The following STK11 variants were observed in gnomAD, a reference collection of about 807,000 sequenced individuals.
STK11 encodes the protein serine/threonine-protein kinase STK11.
STK11 carries 8 observed loss-of-function variants against 47.3 expected under a neutral mutation model. The observed-to-expected ratio is 0.17, with a 90% confidence interval of 0.10 to 0.31. STK11 has a LOEUF of 0.31. Ranked by LOEUF, STK11 falls within the 10% of genes least tolerant of loss-of-function variation. The probability of loss-of-function intolerance (pLI) is 1.00; values close to 1 mark genes in which losing one functional copy is unlikely to be tolerated. For synonymous variants in STK11, 330 were observed against 255.8 expected (o/e 1.29, Z -2.77); for missense variants, 475 against 605.0 (o/e 0.79, Z 2.25).
In STK11 at chr19:1,223,771, G is replaced by A. The variant is rs899211117; in HGVS notation, c.1108+599G>A. On this transcript the variant is annotated intron_variant, in intron 8 of 9. Coordinates refer to ENST00000326873, the MANE Select transcript of STK11 (RefSeq NM_000455.5). The stretch of plus-strand genomic sequence containing the variant: ...GCCTGAGGAGGAGCTCAGGGCCTTA[G>A]CGTAGGGGCGGCCCACATTGGCAGC... The A allele has an allele frequency of 7.7e-6, 8 of 1,038,306 alleles. No individual in the cohort carries two copies. In the African/African-American group the frequency reaches 1.3e-4, roughly 17 times the overall value. 64.3% of individuals were successfully genotyped at this position (1,038,306 alleles called of 1,614,324 possible).
At chr19:1,220,844 C>A (rs2080778475) in intron 5 of STK11, 127 bp downstream of exon 5, 2 of 1,375,674 alleles carry the variant, frequency 1.5e-6, no homozygotes, top group South Asian at 2.9e-5. Context: ...GCCACAGCCG[C>A]TAGGGGGTGC....
At chr19:1,219,011 G>A (rs999018885) in intron 2 of STK11, among the ~76,000 whole-genome samples, 1 of 152,194 alleles carries the variant, frequency 6.6e-6, no homozygotes, top group Non-Finnish European at 1.5e-5. Flanking sequence ...GTCCTGCATG[G>A]GCCCGAGCCT....
chr19:1,219,738 G>C (rs1344506594), intron 3 of STK11, among the ~76,000 whole-genome samples: 1 of 152,098 alleles, frequency 6.6e-6, no homozygotes, highest in Non-Finnish European at 1.5e-5. Flanking sequence ...GTAGAGACGG[G>C]GTTTCACCGT....
In STK11 at chr19:1,226,536, G is replaced by C. The variant is rs774759899; in HGVS notation, c.1191G>C (p.Ala397=). ...PKAVCMNGTE[A]AQLSTKSRAE... is the part of the protein sequence containing the mutation. Reference sequence around the variant, plus strand: ...CCGTGTGTATGAACGGCACAGAGGCGGCGCAGCTGAGCACCAAATCCAGGG... The same window carrying C: ...CCGTGTGTATGAACGGCACAGAGGCCGCGCAGCTGAGCACCAAATCCAGGG... Residue 397 remains alanine (A), a synonymous_variant, in exon 9 of 10, where the codon GCG becomes GCC. Transcript: ENST00000326873. The C allele has an allele frequency of 3.7e-6, 6 of 1,606,144 alleles. No homozygotes were observed. Among genetic ancestry groups the C allele is most frequent in the Middle Eastern group, 3.3e-4 (2 of 6,000 alleles).
At chr19:1,208,607 CTTTTTTT>C (rs71174355) in intron 1 of STK11, among the ~76,000 whole-genome samples, 5 of 37,788 alleles carry the variant, frequency 1.3e-4, no homozygotes, top group East Asian at 1.2e-3. Flanking sequence ...CGCGTGCGGC[CTTTTTTT>C]TTTTTTTTTT....
chr19:1,215,629 A>T (rs571208250), intron 1 of STK11, among the ~76,000 whole-genome samples: 1 of 152,204 alleles, frequency 6.6e-6, no homozygotes, highest in South Asian at 2.1e-4. Context: ...GCAGTGAGCA[A>T]TGAGCCCTGG....
intron 2 of STK11, 111 bp from the exon 3 acceptor site, chr19:1,219,213 G>T: frequency 7.7e-7 from 1 of 1,303,032 alleles, no homozygotes; most frequent in South Asian, 1.3e-5. Flanking sequence ...TGGTCCCGAG[G>T]AGGGGCAAGG....
intron 1 of STK11, among the ~76,000 whole-genome samples, chr19:1,215,050 T>C (rs1262858849): frequency 2.6e-5 from 4 of 152,148 alleles, no homozygotes; most frequent in African/African-American, 9.7e-5. Context: ...CGGGGGAGGT[T>C]AGGGGCACAC....
chr19:1,206,536 C>G lies in STK11; in HGVS notation c.-378C>G, dbSNP rs867570810. On this transcript the variant is annotated 5_prime_UTR_variant, in exon 1 of 10. Transcript: ENST00000326873. Reference sequence around the variant, plus strand: ...ATACTTGTCCGTGGGCCTGAGGTCCCCGGAGGATGACCTAGCACTGAAAAG... The same window carrying G: ...ATACTTGTCCGTGGGCCTGAGGTCCGCGGAGGATGACCTAGCACTGAAAAG... The G allele has an allele frequency of 6.3e-6, 2 of 317,130 alleles. No homozygotes were observed. Among genetic ancestry groups the G allele is most frequent in the Non-Finnish European group, 1.2e-5 (2 of 169,330 alleles). The allele number at this position is 317,130 out of a possible 1,614,324, so 19.6% of individuals were successfully genotyped here.
At chr19:1,223,690 G>C in intron 8 of STK11, 1 of 1,045,186 alleles carries the variant, frequency 9.6e-7, no homozygotes. Flanking sequence ...GCTTGCAGAA[G>C]AGCGAGGGCT....
intron 7 of STK11, 107 bp downstream of exon 7, chr19:1,222,113 G>A (rs1357184982): frequency 3.7e-6 from 5 of 1,352,574 alleles, no homozygotes; most frequent in African/African-American, 1.4e-5. Context: ...TGCCAGGCTG[G>A]GCTGGGGCCA....
chr19:1,219,608 C>T (rs374899682), intron 3 of STK11, among the ~76,000 whole-genome samples, 195 bp downstream of exon 3: 3 of 151,938 alleles, frequency 2.0e-5, no homozygotes, highest in South Asian at 2.1e-4. Context: ...TGCAATGGTG[C>T]GATCTCGGCT....
At chr19:1,220,819 C>T in intron 5 of STK11, 102 bp downstream of exon 5, 1 of 1,486,262 alleles carries the variant, frequency 6.7e-7, no homozygotes. Context: ...TGGCCACCGG[C>T]CCAGACCCTC....
At chr19:1,215,252 A>C (rs1194190994) in intron 1 of STK11, among the ~76,000 whole-genome samples, 2 of 152,178 alleles carry the variant, frequency 1.3e-5, no homozygotes, top group East Asian at 3.9e-4. Flanking sequence ...GGCCAGTTCT[A>C]TAAATAACCT....
At chr19:1,221,551 T>C (rs1396909630) in intron 6 of STK11, 1 of 753,726 alleles carries the variant, frequency 1.3e-6, no homozygotes, top group Non-Finnish European at 2.1e-6. Flanking sequence ...CCCTCCGAAC[T>C]CCCACCCCAG....
intron 9 of STK11, 159 bp downstream of exon 9, chr19:1,226,822 C>G: frequency 1.1e-6 from 1 of 898,578 alleles, no homozygotes; most frequent in Non-Finnish European, 1.6e-6. Context: ...TAGCGATCCC[C>G]GTGGAGGGTG....
chr19:1,206,579 A>C lies in STK11; in HGVS notation c.-335A>C. The C allele has an allele frequency of 2.4e-6, 1 of 417,932 alleles. No individual in the cohort carries two copies. Among genetic ancestry groups the C allele is most frequent in the Non-Finnish European group, 4.3e-6 (1 of 232,024 alleles). The allele number at this position is 417,932 out of a possible 1,614,324, so 25.9% of individuals were successfully genotyped here. A position where few individuals can be genotyped will look rare whatever the true frequency, so the allele number is the denominator to read the frequency against. On this transcript the variant is annotated 5_prime_UTR_variant, in exon 1 of 10. Transcript: ENST00000326873. ...CTGAAAAGCCCCGGCCGGCCTCCCC[A>C]GGGTCCCCGAGGACGAAGTTGACCC...
chr19:1,213,268 G>A (rs1277316052), intron 1 of STK11, among the ~76,000 whole-genome samples: 6 of 151,990 alleles, frequency 3.9e-5, no homozygotes, highest in African/African-American at 1.2e-4. Context: ...AAGTGCTGGG[G>A]TTACAGGTGT....
At chr19:1,225,990 T>C (rs1219606328) in intron 8 of STK11, 3 of 1,002,030 alleles carry the variant, frequency 3.0e-6, no homozygotes, top group Admixed American at 5.9e-5. Flanking sequence ...CGCGTGGTTC[T>C]GTGCTGGCAT....
Sources: allele counts gnomAD v4.1 joint callset (sites outside exome capture counted in the v4.1 genomes callset), GRCh38; gene constraint gnomAD v4.1.1; transcripts MANE v1.5; gene names NCBI Gene and HGNC (gene_info 2026-07-23, HGNC 2026-07-21).